Variants in ODR4 observed in about 807,000 individuals in gnomAD.
The protein encoded by ODR4 is odr-4 GPCR localization factor homolog, also known as protein odr-4 homolog.
In ODR4, 47 loss-of-function variants were observed where a neutral mutation model predicts 60.2. The observed-to-expected ratio is 0.78, with a 90% CI of 0.62 to 1.00. The LOEUF is 1.00. Ranked by LOEUF, ODR4 falls within the 50% of genes least tolerant of loss-of-function variation. ODR4 has a pLI of 0.00. For missense variants in ODR4, 488 were observed against 530.8 expected (o/e 0.92, Z 0.79); for synonymous variants, 178 against 175.5 (o/e 1.01, Z -0.11).
At chr1:186,401,313 T>A in intron 11 of ODR4, 1 of 760,354 alleles carries the variant, frequency 1.3e-6, no homozygotes, top group Non-Finnish European at 2.0e-6. Flanking sequence ...GAAAAAGTTT[T>A]TACTGGCAAT....
chr1:186,386,219 G>T, intron 4 of ODR4, 136 bp downstream of exon 4: 1 of 508,620 alleles, frequency 2.0e-6, no homozygotes, highest in Non-Finnish European at 3.3e-6. Flanking sequence ...CATTGAAAAA[G>T]CTTTTGTCAC....
chr1:186,408,203 C>T (rs1477854126), intron 12 of ODR4, among the ~76,000 whole-genome samples: 3 of 151,886 alleles, frequency 2.0e-5, no homozygotes, highest in Admixed American at 6.6e-5. Context: ...TTACATTGCT[C>T]GTAATGGTGG....
intron 1 of ODR4, among the ~76,000 whole-genome samples, chr1:186,379,449 A>G (rs1287838718): frequency 6.7e-6 from 1 of 149,352 alleles, no homozygotes. Context: ...GTCTCAAAAA[A>G]AAAAAAAAAA....
chr1:186,387,051 A>T (rs948580888), intron 4 of ODR4, among the ~76,000 whole-genome samples: 1 of 152,190 alleles, frequency 6.6e-6, no homozygotes, highest in African/African-American at 2.4e-5. Flanking sequence ...AAGAGGGGGA[A>T]CCTTAAAATC....
At chr1:186,397,525 G>C (rs1417373827) in intron 9 of ODR4, among the ~76,000 whole-genome samples, 1 of 151,888 alleles carries the variant, frequency 6.6e-6, no homozygotes, top group Non-Finnish European at 1.5e-5. Context: ...ATTTTTTTTA[G>C]ATTTTGTAAT....
chr1:186,421,301 AAC>A lies in ODR4; in HGVS notation c.*2227_*2228del, dbSNP rs1295427697. ...TAAATTTAAACTGTTGTTTGTATAAAACAATTATAATGAAGTGTTTATAAGAA... is the reference window on the plus strand; with the variant it reads ...TAAATTTAAACTGTTGTTTGTATAAAAATTATAATGAAGTGTTTATAAGAA... On this transcript the variant is annotated 3_prime_UTR_variant, in exon 14 of 14. Coordinates refer to ENST00000287859, the MANE Select transcript of ODR4 (RefSeq NM_017847.6). The A allele has an allele frequency of 1.3e-5, 2 of 152,246 alleles. No homozygotes were observed. Among genetic ancestry groups the A allele is most frequent in the African/African-American group, 4.8e-5 (2 of 41,464 alleles). The allele number at this position is 152,246 out of a possible 1,614,324, so 9.4% of individuals were successfully genotyped here.
At chr1:186,425,440 A>G (rs765089184), downstream of ODR4, among the ~76,000 whole-genome samples, 8 of 152,174 alleles carry the variant, frequency 5.3e-5, no homozygotes, top group Non-Finnish European at 1.0e-4. Flanking sequence ...TATGTCAATT[A>G]GGGCCTAATT....
intron 11 of ODR4, 90 bp downstream of exon 11, chr1:186,399,134 G>T: frequency 1.2e-6 from 1 of 814,048 alleles, no homozygotes; most frequent in Non-Finnish European, 2.1e-6. Context: ...ATCTTTTATA[G>T]CTACCTATCT....
Position 186,419,892 on chromosome 1 carries a change from T to A in ODR4, c.*816T>A, listed in dbSNP as rs1661717646. ...CAGTTCCTGTATACTGTGTGTTTTG[T>A]TCTGATCAAGGGGTAGGGAACCTTT... is the stretch of plus-strand genomic sequence containing the variant. On this transcript the variant is annotated 3_prime_UTR_variant, in exon 14 of 14. Coordinates refer to ENST00000287859, the MANE Select transcript of ODR4 (RefSeq NM_017847.6). The A allele has an allele frequency of 6.6e-6, 1 of 152,192 alleles. No homozygotes were observed. The highest frequency in any genetic ancestry group is 2.1e-4 in the South Asian group (1 of 4,832). The allele number at this position is 152,192 out of a possible 1,614,324, so 9.4% of individuals were successfully genotyped here.
chr1:186,413,357 A>G (rs1310589194), intron 12 of ODR4, among the ~76,000 whole-genome samples: 1 of 152,120 alleles, frequency 6.6e-6, no homozygotes. Flanking sequence ...TTTCTGTTCT[A>G]TAGTATAGTT....
intron 12 of ODR4, among the ~76,000 whole-genome samples, chr1:186,410,969 C>T (rs1159324188): frequency 6.6e-6 from 1 of 151,406 alleles, no homozygotes; most frequent in Non-Finnish European, 1.5e-5. Flanking sequence ...GAGCCAAGAT[C>T]GTGCCATTGC....
chr1:186,382,109 T>C (rs1660057072), intron 2 of ODR4, among the ~76,000 whole-genome samples: 2 of 152,028 alleles, frequency 1.3e-5, no homozygotes, highest in Admixed American at 1.3e-4. Flanking sequence ...TAACTGATAT[T>C]ACAGCTGAAG....
At chr1:186,422,391 CAACT>C (rs1174227423), downstream of ODR4, among the ~76,000 whole-genome samples, 4 of 152,014 alleles carry the variant, frequency 2.6e-5, no homozygotes, top group Admixed American at 6.6e-5. Context: ...GAGATTTCAA[CAACT>C]AATTAATGAT....
intron 11 of ODR4, chr1:186,400,881 A>G: frequency 1.7e-6 from 1 of 582,028 alleles, no homozygotes; most frequent in Non-Finnish European, 3.0e-6. Context: ...AGTATGTGGG[A>G]CCTGTTCACA....
chr1:186,399,465 T>G (rs1451525858), intron 11 of ODR4, among the ~76,000 whole-genome samples: 1 of 152,144 alleles, frequency 6.6e-6, no homozygotes, highest in African/African-American at 2.4e-5. Flanking sequence ...GTCTTTGGCT[T>G]CCCGAAGTGC....
At chr1:186,417,433 G>A (rs1571704838) in intron 12 of ODR4, 111 bp from the exon 13 acceptor site, 1 of 679,850 alleles carries the variant, frequency 1.5e-6, no homozygotes, top group East Asian at 2.8e-5. Flanking sequence ...TAAAAAACAA[G>A]TAGAAAGAAA....
rs1558105601 is a variant in ODR4 at position 186,420,334 on chromosome 1, T to A, written c.*1258T>A. 1 of 152,210 alleles carries A rather than the reference T, an allele frequency of 6.6e-6. No individual in the cohort carries two copies. The highest frequency in any genetic ancestry group is 1.5e-5 in the Non-Finnish European group (1 of 68,036). 9.4% of individuals were successfully genotyped at this position (152,210 alleles called of 1,614,324 possible). A position where few individuals can be genotyped will look rare whatever the true frequency, so the allele number is the denominator to read the frequency against. ...ACAGTTAAAGAAGGTTCAGTGGTCC[T>A]CAGTTTGCAGTGCTCTAGCTCCTGG... On this transcript the variant is annotated 3_prime_UTR_variant, in exon 14 of 14. Coordinates refer to ENST00000287859, the MANE Select transcript of ODR4 (RefSeq NM_017847.6).
At chr1:186,418,484 G>C (rs954735630) in intron 13 of ODR4, among the ~76,000 whole-genome samples, 1 of 151,766 alleles carries the variant, frequency 6.6e-6, no homozygotes, top group Non-Finnish European at 1.5e-5. Flanking sequence ...TAGAGATGGG[G>C]ATTTTCTTTC....
chr1:186,413,736 G>A (rs1661454578), intron 12 of ODR4, among the ~76,000 whole-genome samples: 1 of 152,100 alleles, frequency 6.6e-6, no homozygotes, highest in Non-Finnish European at 1.5e-5. Flanking sequence ...TGGCTACATC[G>A]CTGACTATAA....
Sources: gnomAD v4.1 joint callset for allele counts (sites outside exome capture counted in the v4.1 genomes callset) on GRCh38, gnomAD v4.1.1 for gene constraint, MANE v1.5 for transcripts, NCBI Gene and HGNC (gene_info 2026-07-23, HGNC 2026-07-21) for gene names.